POFUT2: variants seen among roughly 807,000 people sequenced by gnomAD.
POFUT2 encodes the protein GDP-fucose protein O-fucosyltransferase 2.
Under a neutral mutation model 55.0 loss-of-function variants are expected in POFUT2, and 30 were observed. That is an observed-to-expected ratio of 0.55 (90% confidence interval 0.41 to 0.74). The LOEUF is 0.74. POFUT2 is among the 30% of genes least tolerant of loss of function. The pLI, the probability that POFUT2 is intolerant of heterozygous loss-of-function variation, is 0.00. For missense variants in POFUT2, 524 were observed against 562.6 expected (o/e 0.93, Z 0.69); for synonymous variants, 267 against 231.1 (o/e 1.16, Z -1.41).
chr21:45,280,660 C>T (rs2030516953), intron 4 of POFUT2, among the ~76,000 whole-genome samples: 1 of 147,854 alleles, frequency 6.8e-6, no homozygotes, highest in Admixed American at 6.7e-5. Context: ...TTGGACTCAC[C>T]TCACCCCAGG....
intron 6 of POFUT2, among the ~76,000 whole-genome samples, chr21:45,273,529 C>T (rs2093237179): frequency 6.6e-6 from 1 of 152,032 alleles, no homozygotes; most frequent in Non-Finnish European, 1.5e-5. Context: ...ATCAACAGAC[C>T]AATATCCCTG....
In POFUT2 at chr21:45,284,270, G is replaced by A. The variant is rs935467869; in HGVS notation, c.383-743C>T. ...AAGCGGGAGGGAGCATCGCGAAGGT[G>A]AAGTTCTGGTATCCTTTTTGCTCAC... On this transcript the variant is annotated intron_variant, in intron 2 of 8. Coordinates refer to ENST00000349485, the MANE Select transcript of POFUT2 (RefSeq NM_133635.6). This position sits in a 1 kb window ranked among gnomAD's most constrained non-coding sequence, Gnocchi z 5.8. 6.6e-6 allele frequency among the ~76,000 whole-genome samples: 1 copy of A among 152,240 alleles called. No individual in the cohort carries two copies. Among genetic ancestry groups the A allele is most frequent in the African/African-American group, 2.4e-5 (1 of 41,458 alleles).
chr21:45,265,764 C>T lies in POFUT2; in HGVS notation c.1137-129G>A. On this transcript the variant is annotated intron_variant, in intron 8 of 8. Coordinates refer to ENST00000349485, the MANE Select transcript of POFUT2 (RefSeq NM_133635.6). This position sits in a 1 kb window ranked among gnomAD's most constrained non-coding sequence, Gnocchi z 4.6. ...AGTTACATGGAACCAACACGGCCGT[C>T]CCCCGAGCACCCACCAGCCGGCCGC... 1 of 1,444,318 alleles carries T rather than the reference C, an allele frequency of 6.9e-7. No individual in the cohort carries two copies. The highest frequency in any genetic ancestry group is 9.1e-7 in the Non-Finnish European group (1 of 1,103,438). The allele number at this position is 1,444,318 out of a possible 1,614,324, so 89.5% of individuals were successfully genotyped here.
At chr21:45,268,393 C>G (rs2093177864) in intron 7 of POFUT2, among the ~76,000 whole-genome samples, 1 of 152,024 alleles carries the variant, frequency 6.6e-6, no homozygotes. Flanking sequence ...GCAGCCTCTG[C>G]CCGGCCGCCA....
Position 45,265,600 on chromosome 21 carries a change from AAAG to A in POFUT2, c.1169_1171del (p.Ser390del), listed in dbSNP as rs2093146263. 6.2e-7 allele frequency: 1 copy of A among 1,614,016 alleles called. No individual in the cohort carries two copies. Among genetic ancestry groups the A allele is most frequent in the Non-Finnish European group, 8.5e-7 (1 of 1,179,954 alleles). On this transcript the variant is annotated inframe_deletion, in exon 9 of 9. Transcript: ENST00000349485. The surrounding 1 kb of genome is among the most constrained non-coding windows in gnomAD (Gnocchi z 4.6). The stretch of plus-strand genomic sequence containing the variant: ...GATTTCTCTTTCCTCATGAATCCGA[AAAG>A]AAAATGTTGAGACTGAGGTGCCAAT...
intron 4 of POFUT2, among the ~76,000 whole-genome samples, chr21:45,279,285 C>T (rs140266080): frequency 6.6e-6 from 1 of 152,164 alleles, no homozygotes; most frequent in East Asian, 1.9e-4. Context: ...GCCCCAGCTA[C>T]TTGGGAGGCT....
chr21:45,279,142 A>G (rs2030225752), intron 4 of POFUT2, among the ~76,000 whole-genome samples: 1 of 152,246 alleles, frequency 6.6e-6, no homozygotes, highest in African/African-American at 2.4e-5. Context: ...CTCTAATCCC[A>G]GCACTTTGGG....
At chr21:45,271,291 A>G (rs1235966748) in intron 6 of POFUT2, among the ~76,000 whole-genome samples, 2 of 152,220 alleles carry the variant, frequency 1.3e-5, no homozygotes, top group Non-Finnish European at 2.9e-5. Context: ...GAACAGGAGA[A>G]GAAAGAGCTT....
In POFUT2 at chr21:45,285,696, A is replaced by G; in HGVS notation, c.364T>C (p.Tyr122His). 1 of 1,613,730 alleles carries G rather than the reference A, an allele frequency of 6.2e-7. No homozygotes were observed. The highest frequency in any genetic ancestry group is 8.5e-7 in the Non-Finnish European group (1 of 1,180,002). ...SLNKNIPVIE[Y>H]EQFIAESGGP... ...GCCTCACCTGCGATGAACTGCTCATACTCGATGACGGGGATGTTTTTATTG... is the reference window on the plus strand; with the variant it reads ...GCCTCACCTGCGATGAACTGCTCATGCTCGATGACGGGGATGTTTTTATTG... Residue 122 changes from tyrosine to histidine, a missense_variant, in exon 2 of 9, where the codon TAT becomes CAT. Around this residue, in one of 2 missense-constraint regions of POFUT2, gnomAD observed 274 missense variants for 244.4 expected, o/e 1.12. Coordinates refer to ENST00000349485, the MANE Select transcript of POFUT2 (RefSeq NM_133635.6). The surrounding 1 kb of genome is among the most constrained non-coding windows in gnomAD (Gnocchi z 4.9).
In POFUT2 at chr21:45,287,466, C is replaced by G. The variant is rs556231019; in HGVS notation, c.131+275G>C. ...CCCTGCCCCTATACCATCACCCTGGCCCCTTACTCCGCCACATTCCTTGCC... is the reference window on the plus strand; with the variant it reads ...CCCTGCCCCTATACCATCACCCTGGGCCCTTACTCCGCCACATTCCTTGCC... On this transcript the variant is annotated intron_variant, in intron 1 of 8. Coordinates refer to ENST00000349485, the MANE Select transcript of POFUT2 (RefSeq NM_133635.6). Among the ~76,000 whole-genome samples, 277 of 67,452 alleles carry G rather than the reference C, an allele frequency of 4.1e-3. 2 individuals carry two copies. Among genetic ancestry groups the G allele is most frequent in the African/African-American group, 0.017 (252 of 14,830 alleles). 44.3% of individuals were successfully genotyped at this position (67,452 alleles called of 152,430 possible).
rs1429352683 is a variant in POFUT2, at chr21:45,282,438, C to G, written c.549G>C (p.Glu183Asp). 1.9e-6 allele frequency: 3 copies of G among 1,609,904 alleles called. No individual in the cohort carries two copies. The highest frequency in any genetic ancestry group is 2.5e-6 in the Non-Finnish European group (3 of 1,176,532). Residue 183 changes from glutamate (E) to aspartate (D), a missense_variant, in exon 4 of 9, where the codon GAG (glutamate) becomes GAC (aspartate). This residue lies in a region of POFUT2 where 274 missense variants were observed against 244.4 expected (regional missense o/e 1.12). Transcript: ENST00000349485. The surrounding 1 kb of genome is among the most constrained non-coding windows in gnomAD (Gnocchi z 4.6). ...AGGAGACGTTTAGACCCCTGGTCTCCTCATAACCCCAAAACCATCCTCTGG... is the reference window on the plus strand; with the variant it reads ...AGGAGACGTTTAGACCCCTGGTCTCGTCATAACCCCAAAACCATCCTCTGG... ...EYYRGWFWGY[E>D]ETRGLNVSCL...
chr21:45,282,671 T>C lies in POFUT2; in HGVS notation c.528-212A>G, dbSNP rs776521060. 94 of 586,144 alleles carry C rather than the reference T, an allele frequency of 1.6e-4. No homozygotes were observed. Among genetic ancestry groups the C allele is most frequent in the Non-Finnish European group, 2.7e-4 (87 of 322,740 alleles). 36.3% of individuals were successfully genotyped at this position (586,144 alleles called of 1,614,324 possible). Reference sequence around the variant, plus strand: ...TCTCAGGCTGATGGACCACTGAGGCTTTCCCCATGATAGGGGCTGGCGGGA... The same window carrying C: ...TCTCAGGCTGATGGACCACTGAGGCCTTCCCCATGATAGGGGCTGGCGGGA... On this transcript the variant is annotated intron_variant, in intron 3 of 8. Transcript: ENST00000349485. The surrounding 1 kb of genome is among the most constrained non-coding windows in gnomAD (Gnocchi z 4.6).
At position 45,281,427 on chromosome 21, in the gene POFUT2, TGCAACA is replaced by T. The variant is rs1471592311; in HGVS notation, c.638+916_638+921del. On this transcript the variant is annotated intron_variant, in intron 4 of 8. Transcript: ENST00000349485. This position sits in a 1 kb window ranked among gnomAD's most constrained non-coding sequence, Gnocchi z 5.0. The stretch of plus-strand genomic sequence containing the variant: ...CCCTCCACAACCTCTGAGTTCTGTC[TGCAACA>T]GCCGGGCTGGCTGAGCAGCAGACAC... Among the ~76,000 whole-genome samples the T allele has an allele frequency of 6.6e-6, 1 of 152,212 alleles. No individual in the cohort carries two copies. The highest frequency in any genetic ancestry group is 1.9e-4 in the East Asian group (1 of 5,190).
At chr21:45,278,373 C>T (rs1447024744) in intron 4 of POFUT2, among the ~76,000 whole-genome samples, 1 of 152,178 alleles carries the variant, frequency 6.6e-6, no homozygotes, top group African/African-American at 2.4e-5. Context: ...TCTGAGAGGG[C>T]TTTAATGCCT....
chr21:45,279,903 G>A (rs548642754), intron 4 of POFUT2, among the ~76,000 whole-genome samples: 2 of 152,332 alleles, frequency 1.3e-5, no homozygotes, highest in South Asian at 4.1e-4. Context: ...GTGATTCCAC[G>A]TGTGTTTCAA....
Position 45,282,207 on chromosome 21 carries a change from C to T in POFUT2, c.638+142G>A. 6.3e-6 allele frequency: 4 copies of T among 630,522 alleles called. No individual in the cohort carries two copies. Among genetic ancestry groups the T allele is most frequent in the Non-Finnish European group, 8.4e-6 (3 of 357,858 alleles). 39.1% of individuals were successfully genotyped at this position (630,522 alleles called of 1,614,324 possible). On this transcript the variant is annotated intron_variant, in intron 4 of 8. Coordinates refer to ENST00000349485, the MANE Select transcript of POFUT2 (RefSeq NM_133635.6). The surrounding 1 kb of genome is among the most constrained non-coding windows in gnomAD (Gnocchi z 4.6). Reference sequence around the variant, plus strand: ...CATGCAAGCACTTCCCTAACCACCACCCCCCAGGGCCCCCAGGGTCCGCTG... The same window carrying T: ...CATGCAAGCACTTCCCTAACCACCATCCCCCAGGGCCCCCAGGGTCCGCTG...
chr21:45,273,689 C>G (rs906718070), intron 6 of POFUT2, among the ~76,000 whole-genome samples: 2 of 152,160 alleles, frequency 1.3e-5, no homozygotes, highest in Non-Finnish European at 2.9e-5. Context: ...TGACACACCA[C>G]CTAAACAGCA....
intron 6 of POFUT2, among the ~76,000 whole-genome samples, chr21:45,275,596 G>C (rs2093255700): frequency 6.6e-6 from 1 of 152,220 alleles, no homozygotes; most frequent in Admixed American, 6.5e-5. Context: ...GAATGCATTT[G>C]CAGCAACCTG....
At chr21:45,276,444 C>T (rs943624044) in intron 6 of POFUT2, among the ~76,000 whole-genome samples, 4 of 151,982 alleles carry the variant, frequency 2.6e-5, no homozygotes, top group African/African-American at 7.3e-5. Context: ...GTTTAAAAAA[C>T]GCTAAAAACA....
Sources: gnomAD v4.1 joint callset for allele counts (sites outside exome capture counted in the v4.1 genomes callset) on GRCh38, gnomAD v4.1.1 for gene constraint, gnomAD v4.1.1 regional missense constraint, Gnocchi (gnomAD v3.1) non-coding constraint, MANE v1.5 for transcripts, NCBI Gene and HGNC (gene_info 2026-07-23, HGNC 2026-07-21) for gene names.